Variants in CECR2 observed in about 807,000 individuals in gnomAD.
The protein encoded by CECR2 is chromatin remodeling regulator CECR2.
CECR2 carries 30 observed loss-of-function variants against 154.5 expected under a neutral mutation model. The observed-to-expected ratio is 0.19, with a 90% CI of 0.15 to 0.26. The LOEUF is 0.26. Ranked by LOEUF, CECR2 falls within the 10% of genes least tolerant of loss-of-function variation. The pLI, the probability that CECR2 is intolerant of heterozygous loss-of-function variation, is 1.00. For missense variants in CECR2, 1,743 were observed against 1,829.3 expected (o/e 0.95, Z 0.86); for synonymous variants, 725 against 683.7 (o/e 1.06, Z -0.94).
chr22:17,482,133 AAAAAAAAAG>A (rs1156912205), intron 2 of CECR2, among the ~76,000 whole-genome samples: 9 of 113,072 alleles, frequency 8.0e-5, no homozygotes, highest in African/African-American at 2.9e-4. Flanking sequence ...AAAAAAAAAA[AAAAAAAAAG>A]GGCGTGGCAT....
chr22:17,542,227 G>A lies in CECR2; in HGVS notation c.2084G>A (p.Gly695Glu), dbSNP rs375154158. ...CCAGAGGAGAAGCAAATGTGCGGGG[G>A]GCTGACACACCTTTCTAACATGGGC... ...GTPEEKQMCG[G>E]LTHLSNMGPH... The change falls in exon 16 of 19, where the codon GGG becomes GAG. Residue 695 changes from glycine to glutamate, a missense_variant. Physicochemically the swap from Gly to Glu is moderately conservative, Grantham distance 98 (BLOSUM62 -2). Transcript: ENST00000262608. 1 of 1,611,850 alleles carries A rather than the reference G, an allele frequency of 6.2e-7. No individual in the cohort carries two copies. The highest frequency in any genetic ancestry group is 8.5e-7 in the Non-Finnish European group (1 of 1,178,934).
rs1479206066 is a variant in CECR2, at chr22:17,548,303, A to C, written c.3016A>C (p.Lys1006Gln). ...QERETVGPELKSSSSESADNC... is the reference protein window; with the variant it reads ...QERETVGPELQSSSSESADNC... ...AAGGGAAACAGTGGGCCCGGAGCTCAAAAGCAGCTCCTCCGAATCTGCGGA... is the reference window on the plus strand; with the variant it reads ...AAGGGAAACAGTGGGCCCGGAGCTCCAAAGCAGCTCCTCCGAATCTGCGGA... Residue 1006 changes from lysine (K) to glutamine (Q), a missense_variant, in exon 17 of 19, where the codon AAA becomes CAA. Lys to Gln is a moderately conservative substitution (Grantham distance 53). Transcript: ENST00000262608. The C allele has an allele frequency of 1.2e-6, 2 of 1,610,108 alleles. No homozygotes were observed. Among genetic ancestry groups the C allele is most frequent in the Non-Finnish European group, 1.7e-6 (2 of 1,178,250 alleles).
At chr22:17,401,416 CA>C (rs2053889393) in intron 1 of CECR2, among the ~76,000 whole-genome samples, 1 of 152,194 alleles carries the variant, frequency 6.6e-6, no homozygotes, top group Non-Finnish European at 1.5e-5. Context: ...ACATGTCCGC[CA>C]ACGCCACGCG....
chr22:17,539,276 T>A, intron 13 of CECR2, 157 bp downstream of exon 13: 1 of 768,186 alleles, frequency 1.3e-6, no homozygotes, highest in Non-Finnish European at 2.0e-6. Context: ...ACTTATACAG[T>A]GTCTGCCAGG....
chr22:17,414,982 A>G (rs937016794), intron 1 of CECR2, among the ~76,000 whole-genome samples: 2 of 152,220 alleles, frequency 1.3e-5, no homozygotes, highest in Non-Finnish European at 2.9e-5. Context: ...AATTTTAGAC[A>G]GTGTAAAATA....
At chr22:17,454,179 G>C (rs1251612565) in intron 1 of CECR2, among the ~76,000 whole-genome samples, 1 of 152,096 alleles carries the variant, frequency 6.6e-6, no homozygotes, top group African/African-American at 2.4e-5. Flanking sequence ...CATGACTGCA[G>C]TCCCAGCTAC....
intron 1 of CECR2, among the ~76,000 whole-genome samples, chr22:17,420,540 A>C (rs1327080745): frequency 6.6e-6 from 1 of 152,194 alleles, no homozygotes; most frequent in East Asian, 1.9e-4. Context: ...GAGTCTCAAG[A>C]ATAAGCTTAC....
chr22:17,468,470 A>G (rs1019770135), intron 1 of CECR2, among the ~76,000 whole-genome samples: 1 of 152,170 alleles, frequency 6.6e-6, no homozygotes. Context: ...GTTTGAGGCC[A>G]GGAGTTGAAG....
intron 17 of CECR2, 34 bp downstream of exon 17, chr22:17,549,598 G>A (rs1569159899): frequency 2.1e-6 from 3 of 1,440,172 alleles, no homozygotes; most frequent in Non-Finnish European, 2.8e-6. Context: ...CCCCTAAAGA[G>A]AGAACAGATG....
intron 1 of CECR2, among the ~76,000 whole-genome samples, chr22:17,423,807 G>A (rs2054292307): frequency 6.6e-6 from 1 of 152,088 alleles, no homozygotes; most frequent in Non-Finnish European, 1.5e-5. Flanking sequence ...ACTGTGATTT[G>A]CCTTGTGACG....
chr22:17,434,771 T>C (rs2054478127), intron 1 of CECR2, among the ~76,000 whole-genome samples: 1 of 152,136 alleles, frequency 6.6e-6, no homozygotes, highest in Admixed American at 6.5e-5. Flanking sequence ...CCTACTGCTG[T>C]TCAGAATAAA....
intron 2 of CECR2, among the ~76,000 whole-genome samples, chr22:17,492,122 A>G (rs2055543537): frequency 6.6e-6 from 1 of 152,212 alleles, no homozygotes; most frequent in Non-Finnish European, 1.5e-5. Context: ...TTCAGTACTT[A>G]TGTTAAACGT....
At chr22:17,501,017 T>C (rs2055728431) in intron 5 of CECR2, among the ~76,000 whole-genome samples, 1 of 152,190 alleles carries the variant, frequency 6.6e-6, no homozygotes, top group Non-Finnish European at 1.5e-5. Flanking sequence ...CATTCTTCAA[T>C]TTTATATTTA....
chr22:17,447,278 G>T (rs1218796346), intron 1 of CECR2, among the ~76,000 whole-genome samples: 1 of 151,814 alleles, frequency 6.6e-6, no homozygotes, highest in Non-Finnish European at 1.5e-5. Flanking sequence ...TCAGCCTCCC[G>T]AGTAGCTGGG....
chr22:17,392,384 A>G (rs2063335037), intron 1 of CECR2, among the ~76,000 whole-genome samples: 2 of 152,302 alleles, frequency 1.3e-5, no homozygotes, highest in South Asian at 4.1e-4. Flanking sequence ...GCTACTCAGG[A>G]GGCTGAGGCA....
intron 18 of CECR2, among the ~76,000 whole-genome samples, 199 bp from the exon 19 acceptor site, chr22:17,552,636 G>A (rs1416363839): frequency 6.6e-6 from 1 of 152,040 alleles, no homozygotes; most frequent in Non-Finnish European, 1.5e-5. Context: ...TCCTACTACT[G>A]TTAAGCACTG....
At chr22:17,412,496 C>A (rs776936148) in intron 1 of CECR2, among the ~76,000 whole-genome samples, 44 of 152,272 alleles carry the variant, frequency 2.9e-4, no homozygotes, top group Middle Eastern at 3.4e-3. Flanking sequence ...TGGCTCCCAG[C>A]TCCTAATTCG....
At chr22:17,405,416 T>C (rs986251629) in intron 1 of CECR2, among the ~76,000 whole-genome samples, 3 of 147,226 alleles carry the variant, frequency 2.0e-5, no homozygotes, top group Non-Finnish European at 4.5e-5. Context: ...CCGTCTCAAA[T>C]AAAATAAGAT....
At chr22:17,446,982 A>C (rs937950653) in intron 1 of CECR2, among the ~76,000 whole-genome samples, 40 of 148,860 alleles carry the variant, frequency 2.7e-4, no homozygotes, top group Admixed American at 4.7e-4. Flanking sequence ...TTAGCTAGAC[A>C]CAGTGCCGAT....
Sources: allele counts gnomAD v4.1 joint callset (sites outside exome capture counted in the v4.1 genomes callset), GRCh38; gene constraint gnomAD v4.1.1; transcripts MANE v1.5; gene names NCBI Gene and HGNC (gene_info 2026-07-23, HGNC 2026-07-21).